Variants in CA10 observed in about 807,000 individuals in gnomAD.
CA10 encodes carbonic anhydrase-related protein 10.
A neutral mutation model predicts 44.2 loss-of-function variants in CA10; 14 were observed. The ratio of observed to expected loss-of-function variants is 0.32; its 90% CI spans 0.21 to 0.50. CA10 has a LOEUF of 0.50. CA10 is among the 20% of genes least tolerant of loss of function. The pLI, the probability that CA10 is intolerant of heterozygous loss-of-function variation, is 0.99. For missense variants in CA10, 350 were observed against 409.7 expected (o/e 0.85, Z 1.26); for synonymous variants, 159 against 141.6 (o/e 1.12, Z -0.87).
chr17:52,083,144 A>C (rs185382535), intron 1 of CA10, among the ~76,000 whole-genome samples: 1 of 152,284 alleles, frequency 6.6e-6, no homozygotes, highest in Admixed American at 6.5e-5. Flanking sequence ...TAATTCCTAA[A>C]ATCAATGGGT....
chr17:52,014,563 T>A (rs1438597169), intron 2 of CA10, among the ~76,000 whole-genome samples: 2 of 151,994 alleles, frequency 1.3e-5, no homozygotes, highest in African/African-American at 4.8e-5. Flanking sequence ...AGAGGAGGAT[T>A]AAGGAAATAA....
intron 4 of CA10, among the ~76,000 whole-genome samples, chr17:51,715,240 T>C (rs552777973): frequency 5.1e-4 from 78 of 152,030 alleles, no homozygotes; most frequent in African/African-American, 1.5e-3. Context: ...GAGGGAGGGA[T>C]AGCATTAGGA....
intron 6 of CA10, among the ~76,000 whole-genome samples, chr17:51,636,766 CTGAT>C (rs1183100568): frequency 8.1e-6 from 1 of 122,858 alleles, no homozygotes; most frequent in African/African-American, 3.2e-5. Flanking sequence ...AGCTCAACAA[CTGAT>C]TATTTTGTGT....
chr17:51,777,442 A>AT (rs909200515), intron 3 of CA10, among the ~76,000 whole-genome samples: 6 of 152,168 alleles, frequency 3.9e-5, no homozygotes, highest in African/African-American at 1.4e-4. Flanking sequence ...TGGAGGGCCG[A>AT]TTTTTTTGTA....
intron 3 of CA10, among the ~76,000 whole-genome samples, chr17:51,812,104 A>G (rs1388597155): frequency 6.6e-6 from 1 of 152,196 alleles, no homozygotes; most frequent in East Asian, 1.9e-4. Context: ...TGGCACCGCT[A>G]AAAGGTTGCT....
chr17:51,955,370 T>C (rs1158114229), intron 2 of CA10, among the ~76,000 whole-genome samples: 1 of 152,112 alleles, frequency 6.6e-6, no homozygotes. Context: ...AAAGTCCGCA[T>C]TCCTTAGCAT....
intron 2 of CA10, among the ~76,000 whole-genome samples, chr17:52,064,802 T>A (rs1049121301): frequency 6.6e-6 from 1 of 152,178 alleles, no homozygotes; most frequent in African/African-American, 2.4e-5. Flanking sequence ...GCCTGCTAGG[T>A]CCAATGCTGA....
At chr17:51,649,829 G>A (rs1238955309) in intron 5 of CA10, among the ~76,000 whole-genome samples, 1 of 150,010 alleles carries the variant, frequency 6.7e-6, no homozygotes, top group African/African-American at 2.4e-5. Context: ...ATTCATCTAC[G>A]TAGAGGGTGA....
intron 1 of CA10, among the ~76,000 whole-genome samples, chr17:52,076,177 C>A (rs759015409): frequency 2.6e-5 from 4 of 152,160 alleles, no homozygotes; most frequent in Admixed American, 6.5e-5. Context: ...CCTCTAAGGA[C>A]AACCTATCAG....
chr17:51,942,346 G>T (rs935708674), intron 2 of CA10, among the ~76,000 whole-genome samples: 2 of 151,924 alleles, frequency 1.3e-5, no homozygotes, highest in African/African-American at 4.8e-5. Context: ...TATATAATCC[G>T]TTGGTGTTTT....
In CA10 at chr17:51,712,605, T is replaced by C. The variant is rs111605665; in HGVS notation, c.465+35028A>G. On this transcript the variant is annotated intron_variant, in intron 4 of 8. Coordinates refer to ENST00000451037, the MANE Select transcript of CA10 (RefSeq NM_020178.5). The stretch of plus-strand genomic sequence containing the variant: ...AAAGTCAATAGGCACCGGGGATTGA[T>C]ATTGATCTACAGAATACACTTGTAG... Among the ~76,000 whole-genome samples, 168 of 152,312 alleles carry C rather than the reference T, an allele frequency of 1.1e-3. 1 individual carries two copies. The highest frequency in any genetic ancestry group is 3.8e-3 in the African/African-American group (159 of 41,576).
chr17:52,007,085 ACT>A (rs1344711057), intron 2 of CA10, among the ~76,000 whole-genome samples: 3 of 151,650 alleles, frequency 2.0e-5, no homozygotes, highest in African/African-American at 4.8e-5. Flanking sequence ...ATGTAAAAAC[ACT>A]CTCAAGTTTT....
chr17:51,866,925 T>G (rs1484818519), intron 3 of CA10, among the ~76,000 whole-genome samples: 4 of 151,858 alleles, frequency 2.6e-5, no homozygotes, highest in Non-Finnish European at 5.9e-5. Context: ...AAGAACAGTT[T>G]CTCAGAAATA....
chr17:51,756,350 G>C lies in CA10; in HGVS notation c.280-8532C>G, dbSNP rs16950463. ...ATTTTTACTTAAAGCACCACAGTTA[G>C]AAATTGGCAGTCCCAGAATTCTAGC... is the stretch of plus-strand genomic sequence containing the variant. On this transcript the variant is annotated intron_variant, in intron 3 of 8. Coordinates refer to ENST00000451037, the MANE Select transcript of CA10 (RefSeq NM_020178.5). Among the ~76,000 whole-genome samples the C allele has an allele frequency of 2.2e-3, 341 of 152,238 alleles. 10 individuals carry two copies. The East Asian group carries it at 0.06, about 27-fold the overall frequency.
intron 1 of CA10, among the ~76,000 whole-genome samples, chr17:52,149,729 A>T (rs1989663898): frequency 6.6e-6 from 1 of 152,232 alleles, no homozygotes; most frequent in African/African-American, 2.4e-5. Flanking sequence ...ACTAAGTAAC[A>T]AGATGATATA....
chr17:52,150,329 C>G (rs745601281), intron 1 of CA10, among the ~76,000 whole-genome samples: 3 of 152,164 alleles, frequency 2.0e-5, no homozygotes, highest in Admixed American at 6.5e-5. Flanking sequence ...TCTCCTCAAA[C>G]ACTTTCTATA....
At chr17:51,924,172 C>T (rs1982335088) in intron 3 of CA10, among the ~76,000 whole-genome samples, 1 of 152,126 alleles carries the variant, frequency 6.6e-6, no homozygotes, top group African/African-American at 2.4e-5. Flanking sequence ...ATTGGAGCCA[C>T]AGAGGTTAAA....
At chr17:51,949,453 C>G (rs930706781) in intron 2 of CA10, among the ~76,000 whole-genome samples, 5 of 152,100 alleles carry the variant, frequency 3.3e-5, no homozygotes, top group African/African-American at 1.2e-4. Context: ...CCATAAGTAC[C>G]TGTCAGAAAA....
chr17:51,792,509 G>T (rs1049518638), intron 3 of CA10, among the ~76,000 whole-genome samples: 15 of 152,170 alleles, frequency 9.9e-5, no homozygotes, highest in African/African-American at 3.1e-4. Context: ...AGAAAGCAAA[G>T]ACAAAATTAA....
Sources: allele counts gnomAD v4.1 joint callset (sites outside exome capture counted in the v4.1 genomes callset), GRCh38; gene constraint gnomAD v4.1.1; transcripts MANE v1.5; gene names NCBI Gene and HGNC (gene_info 2026-07-23, HGNC 2026-07-21).